Variants in IL5RA observed in about 807,000 individuals in gnomAD.
The protein encoded by IL5RA is interleukin 5 receptor subunit alpha.
A neutral mutation model predicts 50.0 loss-of-function variants in IL5RA; 49 were observed. The ratio of observed to expected loss-of-function variants is 0.98; its 90% CI spans 0.78 to 1.24. The LOEUF is 1.24. Among genes scored for constraint, IL5RA ranks in the 50% most tolerant of loss-of-function variants. The pLI is 0.00. For synonymous variants in IL5RA, 202 were observed against 174.0 expected (o/e 1.16, Z -1.26); for missense variants, 600 against 500.4 (o/e 1.20, Z -1.90).
At chr3:3,103,005 G>A (rs1431603540) in intron 3 of IL5RA, 185 bp from the exon 4 acceptor site, 1 of 480,980 alleles carries the variant, frequency 2.1e-6, no homozygotes, top group South Asian at 2.8e-5. Context: ...TACCCGAGTA[G>A]CTGGGACTAC....
At position 3,067,628 on chromosome 3, in the gene IL5RA, T is replaced by C. The variant is rs116627774; in HGVS notation, c.*2597A>G. ...GAAGGCTTCATGGAGGAAGTGATGA[T>C]GGTTACGGGTTCCCAAAGAATGACT... On this transcript the variant is annotated 3_prime_UTR_variant, in exon 12 of 12. Transcript: ENST00000446632. 0.015 allele frequency: 2,280 copies of C among 152,324 alleles called. 30 individuals are homozygous for C. Among genetic ancestry groups the C allele is most frequent in the Non-Finnish European group, 0.023 (1,584 of 68,086 alleles). 9.4% of individuals were successfully genotyped at this position (152,324 alleles called of 1,614,324 possible). A position where few individuals can be genotyped will look rare whatever the true frequency, so the allele number is the denominator to read the frequency against.
chr3:3,090,794 C>T (rs541784195), intron 9 of IL5RA, among the ~76,000 whole-genome samples: 16 of 151,934 alleles, frequency 1.1e-4, no homozygotes, highest in Admixed American at 2.0e-4. Context: ...AGGATGGTCT[C>T]GATCTCCTGA....
intron 9 of IL5RA, among the ~76,000 whole-genome samples, chr3:3,085,970 T>A (rs1318449908): frequency 6.6e-6 from 1 of 151,640 alleles, no homozygotes; most frequent in South Asian, 2.1e-4. Context: ...GAATGAGTGA[T>A]CTGAAAACGG....
chr3:3,087,198 T>TA (rs1476808079), intron 9 of IL5RA, among the ~76,000 whole-genome samples: 1 of 152,212 alleles, frequency 6.6e-6, no homozygotes, highest in African/African-American at 2.4e-5. Context: ...AAACCACTTG[T>TA]ACCCCTAAAG....
At chr3:3,090,158 T>A in intron 9 of IL5RA, 19 of 1,576,868 alleles carry the variant, frequency 1.2e-5, no homozygotes, top group Non-Finnish European at 1.6e-5. Context: ...TAAATAAAAA[T>A]TAAAAAACAC....
At chr3:3,072,484 T>C (rs887153625) in intron 11 of IL5RA, among the ~76,000 whole-genome samples, 1 of 152,206 alleles carries the variant, frequency 6.6e-6, no homozygotes, top group African/African-American at 2.4e-5. Context: ...ATCACAACCT[T>C]ATACAATAAG....
intron 3 of IL5RA, 135 bp downstream of exon 3, chr3:3,104,768 C>T (rs1225043235): frequency 4.4e-5 from 22 of 503,032 alleles, no homozygotes. Flanking sequence ...CATCTGTCTT[C>T]TGATGGGGAT....
chr3:3,090,848 C>T (rs543947856), intron 9 of IL5RA, among the ~76,000 whole-genome samples: 18 of 152,210 alleles, frequency 1.2e-4, no homozygotes, highest in African/African-American at 4.3e-4. Flanking sequence ...GCTGGGATTA[C>T]AGGAGTGAGC....
chr3:3,108,304 AT>A (rs967662412), intron 2 of IL5RA, among the ~76,000 whole-genome samples: 17 of 151,798 alleles, frequency 1.1e-4, no homozygotes, highest in South Asian at 6.3e-4. Flanking sequence ...CATGCATGCA[AT>A]TTTTTTTTAC....
rs536326886 is a variant in IL5RA at position 3,092,194 on chromosome 3, G to A, written c.994+30C>T. ...ACCTTTTTTGATCACAAGGAAGGCT[G>A]CCAATGTAAAATAAACATAAGCTAC... On this transcript the variant is annotated intron_variant, in intron 9 of 11. Transcript: ENST00000446632. This position sits in a 1 kb window ranked among gnomAD's most constrained non-coding sequence, Gnocchi z 4.2. 1.9e-6 allele frequency: 3 copies of A among 1,604,734 alleles called. No individual in the cohort carries two copies. The South Asian group carries it at 3.4e-5, about 18-fold the overall frequency.
At chr3:3,099,550 G>A (rs1479396291) in intron 5 of IL5RA, among the ~76,000 whole-genome samples, 3 of 152,022 alleles carry the variant, frequency 2.0e-5, no homozygotes. Flanking sequence ...GATCACTTGA[G>A]CTGGGGAGGT....
intron 9 of IL5RA, among the ~76,000 whole-genome samples, chr3:3,091,328 A>G (rs1052371704): frequency 6.6e-6 from 1 of 152,238 alleles, no homozygotes; most frequent in Non-Finnish European, 1.5e-5. Context: ...GGGTGTATTT[A>G]TAAAAGTGTA....
intron 7 of IL5RA, among the ~76,000 whole-genome samples, chr3:3,096,250 C>T (rs930658709): frequency 1.3e-4 from 19 of 149,000 alleles, no homozygotes; most frequent in Non-Finnish European, 2.4e-4. Flanking sequence ...TGCACTCCAA[C>T]CTGGGTGACA....
At chr3:3,085,058 G>C (rs1198802197) in intron 9 of IL5RA, among the ~76,000 whole-genome samples, 1 of 152,242 alleles carries the variant, frequency 6.6e-6, no homozygotes, top group East Asian at 1.9e-4. Context: ...CTTCAGGCTA[G>C]TGGGATGACC....
rs757556389 is a variant in IL5RA at position 3,092,518 on chromosome 3, C to T, written c.856-156G>A. Among the ~76,000 whole-genome samples the T allele has an allele frequency of 5.0e-4, 76 of 152,210 alleles. 1 individual carries two copies. Among genetic ancestry groups the T allele is most frequent in the Middle Eastern group, 6.8e-3 (2 of 292 alleles). ...CACATTAATTCGTTTATGCTAGGTG[C>T]GTTAGTGTGGATGTGTTGGCAGTCA... On this transcript the variant is annotated intron_variant, in intron 8 of 11. Coordinates refer to ENST00000446632, the MANE Select transcript of IL5RA (RefSeq NM_175726.4). The surrounding 1 kb of genome is among the most constrained non-coding windows in gnomAD (Gnocchi z 4.2).
chr3:3,090,667 C>T (rs535800291), intron 9 of IL5RA, among the ~76,000 whole-genome samples: 7 of 150,086 alleles, frequency 4.7e-5, no homozygotes, highest in East Asian at 2.0e-4. Context: ...CCCGGGTTCA[C>T]GCCATTCTCC....
At chr3:3,104,177 T>G (rs1323129082) in intron 3 of IL5RA, among the ~76,000 whole-genome samples, 2 of 152,172 alleles carry the variant, frequency 1.3e-5, no homozygotes, top group Non-Finnish European at 2.9e-5. Context: ...GTAGCTGAGA[T>G]TACAGGCATG....
intron 9 of IL5RA, among the ~76,000 whole-genome samples, chr3:3,084,356 T>A (rs1303703860): frequency 6.6e-6 from 1 of 152,118 alleles, no homozygotes; most frequent in African/African-American, 2.4e-5. Context: ...TGCAGAGAGA[T>A]AAACTCAGGC....
intron 9 of IL5RA, among the ~76,000 whole-genome samples, chr3:3,090,628 G>A (rs981293272): frequency 3.2e-4 from 45 of 142,610 alleles, no homozygotes; most frequent in Admixed American, 6.5e-4. Context: ...GTGCAGTGGT[G>A]CGATCTCGGC....
Sources: allele counts gnomAD v4.1 joint callset (sites outside exome capture counted in the v4.1 genomes callset), GRCh38; gene constraint gnomAD v4.1.1; non-coding constraint Gnocchi (gnomAD v3.1); transcripts MANE v1.5; gene names NCBI Gene and HGNC (gene_info 2026-07-23, HGNC 2026-07-21).